Variants in TLN2 observed in about 807,000 individuals in gnomAD.
The protein encoded by TLN2 is talin 2.
Under a neutral mutation model 294.7 loss-of-function variants are expected in TLN2, and 118 were observed. That is an observed-to-expected ratio of 0.40 (90% CI 0.34 to 0.47). The LOEUF (loss-of-function observed/expected upper bound fraction) is 0.47. TLN2 is among the 20% of genes least tolerant of loss of function. The pLI is 0.84. For synonymous variants in TLN2, 1,431 were observed against 1,304.5 expected (o/e 1.10, Z -2.09); for missense variants, 3,083 against 3,282.2 (o/e 0.94, Z 1.48).
At chr15:62,708,477 A>C in intron 20 of TLN2, 25 bp from the exon 21 acceptor site, 1 of 1,606,240 alleles carries the variant, frequency 6.2e-7, no homozygotes, top group Non-Finnish European at 8.5e-7. Context: ...CACAGTGCCC[A>C]AAACCTGTTC....
intron 9 of TLN2, among the ~76,000 whole-genome samples, chr15:62,664,229 G>A (rs201553646): frequency 6.6e-6 from 1 of 150,694 alleles, no homozygotes; most frequent in Non-Finnish European, 1.5e-5. Flanking sequence ...TATTAAAAAA[G>A]AAAAAAAAAA....
chr15:62,462,326 A>G (rs2036854711), intron 1 of TLN2, among the ~76,000 whole-genome samples: 1 of 152,244 alleles, frequency 6.6e-6, no homozygotes, highest in Non-Finnish European at 1.5e-5. Flanking sequence ...TGCTTCACAG[A>G]AGCCCCCAGG....
At chr15:62,456,275 C>T (rs528107683) in intron 1 of TLN2, among the ~76,000 whole-genome samples, 6 of 152,324 alleles carry the variant, frequency 3.9e-5, no homozygotes, top group Non-Finnish European at 7.3e-5. Flanking sequence ...TCTCATCTCT[C>T]TCAGCCTCCT....
intron 38 of TLN2, 40 bp from the exon 39 acceptor site, chr15:62,762,232 C>T (rs867159926): frequency 6.2e-7 from 1 of 1,611,326 alleles, no homozygotes; most frequent in Non-Finnish European, 8.5e-7. Context: ...TCACTCATGT[C>T]TTCGACCCTG....
intron 50 of TLN2, among the ~76,000 whole-genome samples, chr15:62,804,891 C>G (rs2066165476): frequency 2.0e-5 from 3 of 151,522 alleles, no homozygotes; most frequent in Admixed American, 2.0e-4. Context: ...GAGGCACATT[C>G]AGCACATACC....
At chr15:62,602,655 ACAGATG>A (rs974264757) in intron 2 of TLN2, among the ~76,000 whole-genome samples, 202 of 152,298 alleles carry the variant, frequency 1.3e-3, no homozygotes, top group African/African-American at 4.7e-3. Context: ...TTGCTGGTTT[ACAGATG>A]CAGCCGCCTT....
Position 62,840,795 on chromosome 15 carries a change from C to T in TLN2, c.*185C>T, listed in dbSNP as rs773058396. ...CTGGCTGCATGATCGTGATGTCACA[C>T]GGTACAATGTCCTACCCACAACTCC... is the stretch of plus-strand genomic sequence containing the variant. On this transcript the variant is annotated 3_prime_UTR_variant, in exon 59 of 59. Coordinates refer to ENST00000636159, the MANE Select transcript of TLN2 (RefSeq NM_015059.3). The T allele has an allele frequency of 2.0e-5, 16 of 785,748 alleles. No homozygotes were observed. Among genetic ancestry groups the T allele is most frequent in the South Asian group, 1.3e-4 (7 of 51,876 alleles). The allele number at this position is 785,748 out of a possible 1,614,324, so 48.7% of individuals were successfully genotyped here.
chr15:62,569,266 G>T (rs2043666522), intron 1 of TLN2, among the ~76,000 whole-genome samples: 1 of 152,184 alleles, frequency 6.6e-6, no homozygotes, highest in African/African-American at 2.4e-5. Flanking sequence ...CACATTCACA[G>T]GTTCCAGGAA....
At chr15:62,554,210 C>G (rs927964837) in intron 1 of TLN2, among the ~76,000 whole-genome samples, 3 of 151,554 alleles carry the variant, frequency 2.0e-5, no homozygotes, top group African/African-American at 7.3e-5. Context: ...CCCTGCCCCC[C>G]TCACTGTGGC....
chr15:62,742,159 A>G (rs987656076), intron 32 of TLN2, among the ~76,000 whole-genome samples: 2 of 151,950 alleles, frequency 1.3e-5, no homozygotes, highest in Non-Finnish European at 2.9e-5. Flanking sequence ...TTAACTGCAA[A>G]CAATAGCTAG....
chr15:62,657,115 A>G (rs1335853896), intron 8 of TLN2, among the ~76,000 whole-genome samples: 6 of 140,632 alleles, frequency 4.3e-5, no homozygotes, highest in Non-Finnish European at 1.5e-5. Context: ...TCTTAGGGTG[A>G]TCTGGGGGTC....
At chr15:62,491,345 TATATATACACACACACACACAC>T (rs2038702450) in intron 1 of TLN2, among the ~76,000 whole-genome samples, 1 of 115,176 alleles carries the variant, frequency 8.7e-6, no homozygotes, top group Admixed American at 9.8e-5. Flanking sequence ...AAAATATATA[TATATATACACACACACACACAC>T]ACACACACAC....
intron 1 of TLN2, among the ~76,000 whole-genome samples, chr15:62,498,735 GT>G (rs35732120): frequency 0.31 from 45,869 of 149,194 alleles, 8,271 homozygotes; most frequent in African/African-American, 0.51. Flanking sequence ...TCTTAGGAGG[GT>G]TTTTTTTTTC....
intron 2 of TLN2, among the ~76,000 whole-genome samples, chr15:62,606,243 G>C (rs1276930979): frequency 8.1e-6 from 1 of 122,900 alleles, no homozygotes; most frequent in African/African-American, 3.3e-5. Context: ...CACCATGCTT[G>C]GCTAATTTTT....
chr15:62,515,080 A>G (rs1194547150), intron 1 of TLN2, among the ~76,000 whole-genome samples: 1 of 152,200 alleles, frequency 6.6e-6, no homozygotes, highest in Non-Finnish European at 1.5e-5. Context: ...GCTTAGCTAG[A>G]GAAGATCTAA....
At chr15:62,806,228 G>A (rs1003978028) in intron 51 of TLN2, among the ~76,000 whole-genome samples, 2 of 152,104 alleles carry the variant, frequency 1.3e-5, no homozygotes, top group Non-Finnish European at 2.9e-5. Flanking sequence ...TATGGCATAC[G>A]CACCAGCCTG....
At chr15:62,479,910 C>CT (rs2037988997) in intron 1 of TLN2, among the ~76,000 whole-genome samples, 1 of 152,236 alleles carries the variant, frequency 6.6e-6, no homozygotes, top group South Asian at 2.1e-4. Context: ...AAGTAATTCC[C>CT]TTTTTCCATT....
chr15:62,600,075 G>A (rs1216505695), intron 2 of TLN2, among the ~76,000 whole-genome samples: 4 of 152,206 alleles, frequency 2.6e-5, no homozygotes. Flanking sequence ...CTTTCCAAGA[G>A]GAGGTGGGAT....
At chr15:62,836,783 G>A (rs140839725) in intron 57 of TLN2, among the ~76,000 whole-genome samples, 69 of 152,226 alleles carry the variant, frequency 4.5e-4, no homozygotes, top group East Asian at 2.1e-3. Context: ...TATAGCAAAC[G>A]TTATCATTGC....
Sources: allele counts gnomAD v4.1 joint callset (sites outside exome capture counted in the v4.1 genomes callset), GRCh38; gene constraint gnomAD v4.1.1; transcripts MANE v1.5; gene names NCBI Gene and HGNC (gene_info 2026-07-23, HGNC 2026-07-21).